Variants in DAB1 observed in about 807,000 individuals in gnomAD.
DAB1 encodes disabled homolog 1.
A neutral mutation model predicts 64.6 loss-of-function variants in DAB1; 15 were observed. The observed-to-expected ratio is 0.23, with a 90% confidence interval of 0.16 to 0.36. The LOEUF (loss-of-function observed/expected upper bound fraction) is 0.36. DAB1 is among the 10% of genes least tolerant of loss of function. DAB1 has a pLI of 1.00. For missense variants in DAB1, 596 were observed against 706.7 expected (o/e 0.84, Z 1.78); for synonymous variants, 235 against 251.9 (o/e 0.93, Z 0.64).
At chr1:58,403,961 G>T (rs1644594339) in intron 3 of DAB1, among the ~76,000 whole-genome samples, 1 of 152,266 alleles carries the variant, frequency 6.6e-6, no homozygotes, top group South Asian at 2.1e-4. Flanking sequence ...TTTACATTAT[G>T]GAAAAACTTG....
intron 1 of DAB1, among the ~76,000 whole-genome samples, chr1:58,538,244 T>C (rs1646548582): frequency 6.6e-6 from 1 of 152,098 alleles, no homozygotes; most frequent in Non-Finnish European, 1.5e-5. Context: ...AAAATATTAT[T>C]ATAAAGGATC....
At chr1:57,447,901 C>T (rs1228438079) in intron 7 of DAB1, among the ~76,000 whole-genome samples, 1 of 152,126 alleles carries the variant, frequency 6.6e-6, no homozygotes, top group East Asian at 1.9e-4. Context: ...TCTACATTCC[C>T]TGAATGAAGC....
At chr1:57,674,070 G>C (rs185624811) in intron 6 of DAB1, among the ~76,000 whole-genome samples, 7 of 152,160 alleles carry the variant, frequency 4.6e-5, no homozygotes, top group Non-Finnish European at 8.8e-5. Flanking sequence ...TGAGTAATAG[G>C]GGGGCAGGTT....
At chr1:57,521,059 C>T (rs371767159) in intron 7 of DAB1, among the ~76,000 whole-genome samples, 2 of 152,134 alleles carry the variant, frequency 1.3e-5, no homozygotes, top group African/African-American at 2.4e-5. Context: ...ACCCAAGCAT[C>T]GAAGGGAGTA....
chr1:58,274,792 C>A (rs1352152726), intron 4 of DAB1, among the ~76,000 whole-genome samples: 4 of 152,154 alleles, frequency 2.6e-5, no homozygotes, highest in Non-Finnish European at 5.9e-5. Flanking sequence ...TCACTCCTTT[C>A]TTTGACTCGG....
At chr1:57,093,785 G>A (rs1466860845) in intron 4 of DAB1, among the ~76,000 whole-genome samples, 2 of 152,082 alleles carry the variant, frequency 1.3e-5, no homozygotes, top group Non-Finnish European at 1.5e-5. Context: ...ATCTAGAAGA[G>A]GGCCTAGTAA....
intron 7 of DAB1, among the ~76,000 whole-genome samples, chr1:57,534,888 G>A (rs1352070717): frequency 6.6e-6 from 1 of 152,156 alleles, no homozygotes; most frequent in African/African-American, 2.4e-5. Flanking sequence ...TCACTGTGCT[G>A]CAAAATCATG....
At chr1:58,073,459 A>G (rs1649401769) in intron 5 of DAB1, among the ~76,000 whole-genome samples, 1 of 152,148 alleles carries the variant, frequency 6.6e-6, no homozygotes, top group Non-Finnish European at 1.5e-5. Context: ...AACTCAAAAC[A>G]TTCTGTACTT....
chr1:57,980,047 T>A (rs971518650), intron 5 of DAB1, among the ~76,000 whole-genome samples: 1 of 152,212 alleles, frequency 6.6e-6, no homozygotes, highest in African/African-American at 2.4e-5. Context: ...AGAGTCATCA[T>A]CTAACCAATA....
chr1:57,224,819 G>T (rs1667138212), intron 2 of DAB1, among the ~76,000 whole-genome samples: 1 of 152,182 alleles, frequency 6.6e-6, no homozygotes. Context: ...GATGGGAGCT[G>T]GTTACCAGAA....
chr1:58,375,009 G>C (rs986628250), intron 3 of DAB1, among the ~76,000 whole-genome samples: 1 of 138,430 alleles, frequency 7.2e-6, no homozygotes, highest in Non-Finnish European at 1.6e-5. Flanking sequence ...AGGAATGCTT[G>C]TGATTTTTGT....
intron 7 of DAB1, among the ~76,000 whole-genome samples, chr1:57,636,105 AAAAAAAAACAAAAAC>A (rs1002062119): frequency 1.3e-5 from 2 of 149,674 alleles, no homozygotes; most frequent in African/African-American, 5.0e-5. Flanking sequence ...TCAAAAAAAA[AAAAAAAAACAAAAAC>A]AAAAAACTGG....
At chr1:58,464,347 A>G (rs969009779) in intron 3 of DAB1, among the ~76,000 whole-genome samples, 2 of 152,246 alleles carry the variant, frequency 1.3e-5, no homozygotes, top group Admixed American at 6.5e-5. Flanking sequence ...TTACTCAGAC[A>G]GCATTTAGAC....
intron 4 of DAB1, among the ~76,000 whole-genome samples, chr1:58,183,110 A>AC (rs1261774517): frequency 6.6e-6 from 1 of 151,958 alleles, no homozygotes; most frequent in East Asian, 1.9e-4. Flanking sequence ...TCTAGAGATT[A>AC]CCCCTGGTAA....
rs1675984805 is a variant in DAB1 at position 57,324,375 on chromosome 1, G to A, written c.-136-33209C>T. 2.0e-5 allele frequency among the ~76,000 whole-genome samples: 3 copies of A among 152,056 alleles called. No homozygotes were observed. The South Asian group carries it at 6.2e-4, about 32-fold the overall frequency. On this transcript the variant is annotated intron_variant, in intron 1 of 14. Transcript: ENST00000371236. ...TTTCTCCTATGACAAAAGACAAAGA[G>A]GACATGAATTATTCATCAGTAGTAA...
intron 7 of DAB1, among the ~76,000 whole-genome samples, chr1:57,462,365 T>C (rs1161720486): frequency 6.6e-6 from 1 of 152,218 alleles, no homozygotes; most frequent in Admixed American, 6.5e-5. Flanking sequence ...CTTTGTTTTT[T>C]AAATCCATAA....
At chr1:57,486,293 A>G (rs1644090918) in intron 7 of DAB1, among the ~76,000 whole-genome samples, 1 of 152,212 alleles carries the variant, frequency 6.6e-6, no homozygotes, top group Non-Finnish European at 1.5e-5. Flanking sequence ...GTGCATTAAA[A>G]TTGCCTCACC....
In DAB1 at chr1:57,212,697, T is replaced by C. The variant is rs376735767; in HGVS notation, c.68-67268A>G. On this transcript the variant is annotated intron_variant, in intron 2 of 14. Transcript: ENST00000371236. The stretch of plus-strand genomic sequence containing the variant: ...TCATTATTTACAAAGCACATTCATA[T>C]GCACTAATTCATTTTGATTTTCATC... Among the ~76,000 whole-genome samples, 19 of 152,306 alleles carry C rather than the reference T, an allele frequency of 1.2e-4. 1 individual carries two copies. Among genetic ancestry groups the C allele is most frequent in the African/African-American group, 4.6e-4 (19 of 41,566 alleles).
At chr1:58,518,156 A>C (rs1047245299) in intron 2 of DAB1, among the ~76,000 whole-genome samples, 1 of 141,658 alleles carries the variant, frequency 7.1e-6, no homozygotes, top group African/African-American at 2.6e-5. Flanking sequence ...ATTGCACTCC[A>C]GCCTGGGCAA....
Sources: allele counts gnomAD v4.1 joint callset (sites outside exome capture counted in the v4.1 genomes callset), GRCh38; gene constraint gnomAD v4.1.1; transcripts MANE v1.5; gene names NCBI Gene and HGNC (gene_info 2026-07-23, HGNC 2026-07-21).